The following MGAT5 variants were observed in gnomAD, a reference collection of about 807,000 sequenced individuals.
MGAT5 encodes the protein alpha-1,6-mannosylglycoprotein 6-beta-N-acetylglucosaminyltransferase A.
MGAT5 carries 30 observed loss-of-function variants against 94.3 expected under a neutral mutation model. The ratio of observed to expected loss-of-function variants is 0.32; its 90% CI spans 0.24 to 0.43. The LOEUF is 0.43. MGAT5 is among the 20% of genes least tolerant of loss of function. The pLI is 1.00. For synonymous variants in MGAT5, 310 were observed against 322.9 expected (o/e 0.96, Z 0.43); for missense variants, 691 against 905.5 (o/e 0.76, Z 3.04).
At chr2:134,394,501 T>A (rs1396408798) in intron 10 of MGAT5, among the ~76,000 whole-genome samples, 1 of 152,244 alleles carries the variant, frequency 6.6e-6, no homozygotes, top group Non-Finnish European at 1.5e-5. Context: ...CAAAATGTAA[T>A]GTTATTCCTT....
intron 4 of MGAT5, among the ~76,000 whole-genome samples, chr2:134,333,813 T>C (rs1185078997): frequency 3.3e-5 from 5 of 152,314 alleles, no homozygotes; most frequent in African/African-American, 1.2e-4. Flanking sequence ...GCTGTTTGTT[T>C]CAGTACTTGG....
At chr2:134,278,031 G>T (rs1478949404) in intron 2 of MGAT5, among the ~76,000 whole-genome samples, 2 of 152,172 alleles carry the variant, frequency 1.3e-5, no homozygotes, top group African/African-American at 4.8e-5. Context: ...AAAGTTTGTG[G>T]GATGCTGTTG....
At chr2:134,370,977 C>G (rs926141577) in intron 10 of MGAT5, among the ~76,000 whole-genome samples, 13 of 152,104 alleles carry the variant, frequency 8.5e-5, no homozygotes, top group African/African-American at 2.9e-4. Context: ...GCCCATGGGA[C>G]CCGGGGGTAG....
chr2:134,331,005 T>C (rs1179587534), intron 4 of MGAT5, among the ~76,000 whole-genome samples: 2 of 152,170 alleles, frequency 1.3e-5, no homozygotes, highest in Non-Finnish European at 1.5e-5. Flanking sequence ...TATTACTTTT[T>C]CTTTCCATCT....
At chr2:134,158,774 A>G (rs545008595) in intron 1 of MGAT5, among the ~76,000 whole-genome samples, 3 of 152,180 alleles carry the variant, frequency 2.0e-5, no homozygotes, top group African/African-American at 7.2e-5. Context: ...CATCACTACT[A>G]CTGTCTCCCC....
At chr2:134,157,928 G>T (rs372025096) in intron 1 of MGAT5, among the ~76,000 whole-genome samples, 7 of 152,330 alleles carry the variant, frequency 4.6e-5, no homozygotes, top group African/African-American at 1.4e-4. Flanking sequence ...CACAGGCAGG[G>T]TGTCCTGACA....
At position 134,353,273 on chromosome 2, in the gene MGAT5, C is replaced by T. The variant is rs142090348; in HGVS notation, c.1246+3335C>T. 4.8e-3 allele frequency among the ~76,000 whole-genome samples: 734 copies of T among 152,224 alleles called. 2 individuals carry two copies. The highest frequency in any genetic ancestry group is 7.7e-3 in the Non-Finnish European group (526 of 68,018). On this transcript the variant is annotated intron_variant, in intron 9 of 15. Transcript: ENST00000281923. Reference sequence around the variant, plus strand: ...AGATAGAGACAAACCTAGCTGTACACGTGAGGTTGGTGTTAACCTCTCATA... The same window carrying T: ...AGATAGAGACAAACCTAGCTGTACATGTGAGGTTGGTGTTAACCTCTCATA...
chr2:134,371,011 C>T (rs1233162319), intron 10 of MGAT5, among the ~76,000 whole-genome samples: 2 of 149,780 alleles, frequency 1.3e-5, no homozygotes, highest in South Asian at 2.1e-4. Context: ...CATCACCCTA[C>T]TGGTCCATTC....
intron 1 of MGAT5, among the ~76,000 whole-genome samples, chr2:134,187,364 A>G (rs1342803948): frequency 1.3e-5 from 2 of 152,176 alleles, no homozygotes; most frequent in African/African-American, 4.8e-5. Flanking sequence ...TGATAGTGAC[A>G]TGGACTCAGG....
chr2:134,127,348 G>A (rs1447194643), intron 1 of MGAT5, among the ~76,000 whole-genome samples: 1 of 152,046 alleles, frequency 6.6e-6, no homozygotes, highest in African/African-American at 2.4e-5. Flanking sequence ...TGCTTGGTGG[G>A]TTTAAAGATG....
intron 1 of MGAT5, among the ~76,000 whole-genome samples, chr2:134,248,038 G>T (rs1295091251): frequency 6.6e-6 from 1 of 151,914 alleles, no homozygotes; most frequent in Non-Finnish European, 1.5e-5. Flanking sequence ...GTGTTTTTTT[G>T]CAGTTTTCTT....
chr2:134,332,413 C>T (rs982216759), intron 4 of MGAT5, among the ~76,000 whole-genome samples: 5 of 151,706 alleles, frequency 3.3e-5, no homozygotes, highest in African/African-American at 7.3e-5. Context: ...GGATCCCTTC[C>T]TTACACCTTA....
At chr2:134,288,470 A>G (rs1235038640) in intron 2 of MGAT5, among the ~76,000 whole-genome samples, 2 of 152,006 alleles carry the variant, frequency 1.3e-5, no homozygotes, top group African/African-American at 4.8e-5. Context: ...GTTGATACAG[A>G]GACTACGTGG....
chr2:134,422,051 A>G (rs755573603), intron 12 of MGAT5, among the ~76,000 whole-genome samples: 1 of 152,102 alleles, frequency 6.6e-6, no homozygotes, highest in Admixed American at 6.5e-5. Context: ...TGATGTGCAC[A>G]TCTGTAGTCC....
rs992283280 is a variant in MGAT5 at position 134,412,904 on chromosome 2, A to T, written c.1566A>T (p.Pro522=). 2 of 1,614,134 alleles carry T rather than the reference A, an allele frequency of 1.2e-6. No homozygotes were observed. The highest frequency in any genetic ancestry group is 2.7e-5 in the African/African-American group (2 of 75,018). The change falls in exon 12 of 16, where the codon CCA becomes CCT. Residue 522 remains proline, a synonymous_variant. Coordinates refer to ENST00000281923, the MANE Select transcript of MGAT5 (RefSeq NM_002410.5). ...GACTTGGGTTCCCTTACGAGGGCCC[A>T]GCTCCCCTGGAAGCTATCGCAAATG... ...FVGLGFPYEG[P]APLEAIANGC... is the part of the protein sequence containing the mutation.
intron 15 of MGAT5, among the ~76,000 whole-genome samples, chr2:134,443,544 A>G (rs1262385765): frequency 6.6e-6 from 1 of 152,164 alleles, no homozygotes; most frequent in African/African-American, 2.4e-5. Flanking sequence ...CAGGCACAGA[A>G]GCTGCCCTGA....
At chr2:134,322,772 G>A (rs183822794) in intron 4 of MGAT5, among the ~76,000 whole-genome samples, 11 of 152,182 alleles carry the variant, frequency 7.2e-5, no homozygotes, top group Admixed American at 2.6e-4. Context: ...TGAAACCTGC[G>A]TTTTTATTTC....
At chr2:134,387,138 G>A (rs1354230317) in intron 10 of MGAT5, among the ~76,000 whole-genome samples, 1 of 151,356 alleles carries the variant, frequency 6.6e-6, no homozygotes, top group African/African-American at 2.4e-5. Context: ...GCACATGCCT[G>A]TAATCCCAGC....
chr2:134,217,783 A>C (rs893303829), intron 1 of MGAT5, among the ~76,000 whole-genome samples: 2 of 152,280 alleles, frequency 1.3e-5, no homozygotes, highest in South Asian at 4.1e-4. Context: ...AGAGAAAAGG[A>C]CTGTTTAGTT....
Sources: allele counts gnomAD v4.1 joint callset (sites outside exome capture counted in the v4.1 genomes callset), GRCh38; gene constraint gnomAD v4.1.1; transcripts MANE v1.5; gene names NCBI Gene and HGNC (gene_info 2026-07-23, HGNC 2026-07-21).